NUP37: variants seen among roughly 807,000 people sequenced by gnomAD.
NUP37 encodes nucleoporin 37.
NUP37 carries 33 observed loss-of-function variants against 45.4 expected under a neutral mutation model. The ratio of observed to expected loss-of-function variants is 0.73; its 90% confidence interval spans 0.55 to 0.97. The LOEUF is 0.97. NUP37 is among the 50% of genes least tolerant of loss of function. NUP37 has a pLI of 0.00. For missense variants in NUP37, 365 were observed against 389.7 expected (o/e 0.94, Z 0.53); for synonymous variants, 127 against 130.7 (o/e 0.97, Z 0.19).
intron 1 of NUP37, chr12:102,119,133 C>G (rs1397684080): frequency 1.3e-5 from 2 of 152,250 alleles, no homozygotes; most frequent in Non-Finnish European, 2.9e-5. Flanking sequence ...AAACAGCCTC[C>G]TGGCTTGAAG....
At chr12:102,101,198 C>T in intron 3 of NUP37, 94 bp from the exon 4 acceptor site, 1 of 606,274 alleles carries the variant, frequency 1.6e-6, no homozygotes, top group Non-Finnish European at 2.9e-6. Flanking sequence ...ATCACTGAAG[C>T]TTTTATCATA....
chr12:102,115,496 G>A (rs1388186478), intron 2 of NUP37, among the ~76,000 whole-genome samples: 1 of 152,138 alleles, frequency 6.6e-6, no homozygotes, highest in Non-Finnish European at 1.5e-5. Flanking sequence ...TTTAACAAAG[G>A]TTTTTATAGC....
chr12:102,114,439 G>C (rs536632001), intron 2 of NUP37, among the ~76,000 whole-genome samples: 17 of 152,178 alleles, frequency 1.1e-4, no homozygotes, highest in Non-Finnish European at 4.4e-5. Context: ...CCAACTAAAA[G>C]GCCCGTGTGT....
At chr12:102,107,599 T>A (rs1250426771) in intron 3 of NUP37, among the ~76,000 whole-genome samples, 1 of 152,164 alleles carries the variant, frequency 6.6e-6, no homozygotes. Flanking sequence ...AGTACATTCA[T>A]AACCCCAAAC....
chr12:102,118,723 TGCAGGAAAAATATTAAATCTA>T (rs1353981317), intron 1 of NUP37, 140 bp from the exon 2 acceptor site: 3 of 501,938 alleles, frequency 6.0e-6, no homozygotes, highest in Non-Finnish European at 1.0e-5. Context: ...GGACAGAAAC[TGCAGGAAAAATATTAAATCTA>T]GTTATTAATG....
chr12:102,080,762 T>C (rs1413803648), intron 6 of NUP37, among the ~76,000 whole-genome samples: 2 of 152,238 alleles, frequency 1.3e-5, no homozygotes, highest in South Asian at 2.1e-4. Flanking sequence ...AAGGCTAGGC[T>C]GCTGAAGACT....
At chr12:102,114,650 C>T (rs1056920259) in intron 2 of NUP37, among the ~76,000 whole-genome samples, 1 of 152,154 alleles carries the variant, frequency 6.6e-6, no homozygotes, top group African/African-American at 2.4e-5. Flanking sequence ...CAGGCCCTCC[C>T]ACCACACCCA....
At chr12:102,093,919 C>T (rs1393144151) in intron 5 of NUP37, among the ~76,000 whole-genome samples, 1 of 152,014 alleles carries the variant, frequency 6.6e-6, no homozygotes, top group African/African-American at 2.4e-5. Flanking sequence ...CAAGGGCATA[C>T]AGAAAAGAAC....
Position 102,091,399 on chromosome 12 carries a change from C to CAAAAAAA in NUP37, c.450-5550_450-5544dup, listed in dbSNP as rs1163474160. Among the ~76,000 whole-genome samples the CAAAAAAA allele has an allele frequency of 4.0e-4, 15 of 37,802 alleles. 1 individual carries two copies. The highest frequency in any genetic ancestry group is 1.5e-3 in the African/African-American group (14 of 9,510). 24.8% of individuals were successfully genotyped at this position (37,802 alleles called of 152,430 possible). On this transcript the variant is annotated intron_variant, in intron 5 of 9. Coordinates refer to ENST00000552283, the MANE Select transcript of NUP37 (RefSeq NM_024057.4). ...GGAAACAGAGTGAGAGACTCCGTCT[C>CAAAAAAA]AAAAAAAAAAAAAAAAAAAAAAAAA...
At position 102,074,383 on chromosome 12, in the gene NUP37, T is replaced by C; in HGVS notation, c.952A>G (p.Lys318Glu). The C allele has an allele frequency of 6.2e-7, 1 of 1,612,952 alleles. No homozygotes were observed. Among genetic ancestry groups the C allele is most frequent in the Non-Finnish European group, 8.5e-7 (1 of 1,179,240 alleles). The change falls in exon 10 of 10, where the codon AAG becomes GAG. Residue 318 changes from lysine (K) to glutamate (E), a missense_variant. Coordinates refer to ENST00000552283, the MANE Select transcript of NUP37 (RefSeq NM_024057.4). The stretch of plus-strand genomic sequence containing the variant: ...ACTTCAGTCACCCAAAACAACAGCT[T>C]GTGGTCTCCTCCAATTACACACAGA... ...LPLCVIGGDH[K>E]LLFWVTEV
intron 4 of NUP37, among the ~76,000 whole-genome samples, 188 bp from the exon 5 acceptor site, chr12:102,099,388 G>C (rs895224325): frequency 2.6e-5 from 4 of 151,894 alleles, no homozygotes; most frequent in Non-Finnish European, 5.9e-5. Flanking sequence ...TTTATCTTGG[G>C]AAAAAAATTG....
chr12:102,085,246 C>A (rs1157984213), intron 6 of NUP37, among the ~76,000 whole-genome samples: 1 of 151,960 alleles, frequency 6.6e-6, no homozygotes, highest in East Asian at 1.9e-4. Context: ...ATGGCGAAAC[C>A]TCAGCCCTAC....
At chr12:102,098,996 C>T (rs192491064) in intron 5 of NUP37, 110 bp downstream of exon 5, 2 of 780,008 alleles carry the variant, frequency 2.6e-6, no homozygotes, top group African/African-American at 1.8e-5. Context: ...GCTTCTTTTA[C>T]AACACTCTAT....
intron 5 of NUP37, among the ~76,000 whole-genome samples, chr12:102,091,816 C>T (rs1044944841): frequency 9.2e-5 from 14 of 152,098 alleles, no homozygotes; most frequent in Admixed American, 2.0e-4. Context: ...TTAGATTTAG[C>T]TGTGATGATG....
chr12:102,074,438 T>C lies in NUP37; in HGVS notation c.897A>G (p.Gly299=). The change falls in exon 10 of 10, where the codon GGA becomes GGG. Residue 299 remains glycine, a synonymous_variant. Coordinates refer to ENST00000552283, the MANE Select transcript of NUP37 (RefSeq NM_024057.4). ...GAGTTCGATGCCAGGACAGTCCAGATCCAACGGCTACAGAACCCATGAGGA... is the reference window on the plus strand; with the variant it reads ...GAGTTCGATGCCAGGACAGTCCAGACCCAACGGCTACAGAACCCATGAGGA... ...QPILMGSVAV[G]SGLSWHRTLP... 1 of 1,610,916 alleles carries C rather than the reference T, an allele frequency of 6.2e-7. No individual in the cohort carries two copies.
At chr12:102,107,002 C>G (rs1290805955) in intron 3 of NUP37, among the ~76,000 whole-genome samples, 1 of 152,178 alleles carries the variant, frequency 6.6e-6, no homozygotes, top group Non-Finnish European at 1.5e-5. Context: ...TCCTTACACC[C>G]CACAATTCCT....
intron 5 of NUP37, among the ~76,000 whole-genome samples, chr12:102,093,045 A>G (rs556695868): frequency 7.9e-5 from 12 of 152,272 alleles, no homozygotes; most frequent in African/African-American, 2.6e-4. Context: ...CTGACTTCAG[A>G]GCAAGAATTA....
intron 2 of NUP37, among the ~76,000 whole-genome samples, chr12:102,115,507 A>C (rs1427035083): frequency 6.6e-6 from 1 of 152,204 alleles, no homozygotes; most frequent in African/African-American, 2.4e-5. Context: ...TTTTTATAGC[A>C]GTTTTCTTAT....
rs1880146201 is a variant in NUP37, at chr12:102,106,104, G to A, written c.282-5000C>T. On this transcript the variant is annotated intron_variant, in intron 3 of 9. Transcript: ENST00000552283. Reference sequence around the variant, plus strand: ...TGAAGTGATGCATCAACAAGGCAAAGAAAGTCAAGGACTCCTGGCTACCAT... The same window carrying A: ...TGAAGTGATGCATCAACAAGGCAAAAAAAGTCAAGGACTCCTGGCTACCAT... 3.3e-5 allele frequency among the ~76,000 whole-genome samples: 5 copies of A among 152,236 alleles called. No individual in the cohort carries two copies. In the South Asian group the frequency reaches 1.0e-3, roughly 32 times the overall value.
Sources: gnomAD v4.1 joint callset for allele counts (sites outside exome capture counted in the v4.1 genomes callset) on GRCh38, gnomAD v4.1.1 for gene constraint, MANE v1.5 for transcripts, NCBI Gene and HGNC (gene_info 2026-07-23, HGNC 2026-07-21) for gene names.